Variants in RECQL5 observed in about 807,000 individuals in gnomAD.
The protein encoded by RECQL5 is RecQ like helicase 5.
RECQL5 carries 88 observed loss-of-function variants against 103.4 expected under a neutral mutation model. The ratio of observed to expected loss-of-function variants is 0.85; its 90% CI spans 0.72 to 1.02. The LOEUF (loss-of-function observed/expected upper bound fraction) is 1.02, where lower values mean the gene tolerates loss of function less well. Ranked by LOEUF, RECQL5 falls within the 50% of genes least tolerant of loss-of-function variation. The pLI, the probability that RECQL5 is intolerant of heterozygous loss-of-function variation, is 0.00. For synonymous variants in RECQL5, 552 were observed against 507.9 expected, an observed-to-expected ratio of 1.09 and a Z score of -1.17; for missense variants, 1,232 against 1,284.3, an observed-to-expected ratio of 0.96 and a Z score of 0.62.
Position 75,666,514 on chromosome 17 carries a change from C to T in RECQL5, c.44G>A (p.Arg15Gln). The T allele has an allele frequency of 1.2e-6, 2 of 1,614,122 alleles. No individual in the cohort carries two copies. The highest frequency in any genetic ancestry group is 4.5e-5 in the East Asian group (2 of 44,892). The change falls in exon 2 of 20, where the codon CGA (arginine) becomes CAA (glutamine). Residue 15 changes from arginine (R) to glutamine (Q), a missense_variant. By Grantham distance (43) the Arg-to-Gln change is conservative (BLOSUM62 1). Coordinates refer to ENST00000317905, the MANE Select transcript of RECQL5 (RefSeq NM_004259.7). The stretch of plus-strand genomic sequence containing the variant: ...GACCTTCTTCAGCGTACTCCGGACT[C>T]GCCGCTCAGGGTCAAAAGGAAAGGT... The part of the protein sequence containing the change: ...HTTFPFDPER[R>Q]VRSTLKKVFG...
Position 75,627,420 on chromosome 17 carries a change from G to A in RECQL5, c.*2C>T, listed in dbSNP as rs2059115806. 1.2e-6 allele frequency: 2 copies of A among 1,612,032 alleles called. No individual in the cohort carries two copies. The highest frequency in any genetic ancestry group is 1.7e-6 in the Non-Finnish European group (2 of 1,178,860). ...CGCGGGCCCTGCCCAGCCAGCAGTT[G>A]GTCATCTCTGGGGGCCACACAGGCC... On this transcript the variant is annotated 3_prime_UTR_variant, in exon 20 of 20. Transcript: ENST00000317905.
intron 3 of RECQL5, among the ~76,000 whole-genome samples, chr17:75,663,288 G>A (rs1599061734): frequency 6.6e-6 from 1 of 151,814 alleles, no homozygotes; most frequent in Non-Finnish European, 1.5e-5. Context: ...TTTCTTTCAC[G>A]TATACCTTAT....
At chr17:75,654,755 A>G (rs1199783103) in intron 7 of RECQL5, among the ~76,000 whole-genome samples, 1 of 151,978 alleles carries the variant, frequency 6.6e-6, no homozygotes, top group Non-Finnish European at 1.5e-5. Flanking sequence ...GAGTAGCTAG[A>G]ACTACAGGCG....
intron 8 of RECQL5, 92 bp from the exon 9 acceptor site, chr17:75,631,760 C>T (rs1336306886): frequency 1.5e-6 from 2 of 1,324,122 alleles, no homozygotes; most frequent in East Asian, 2.5e-5. Flanking sequence ...TGAGCGAGCA[C>T]TGCCGCGTCC....
chr17:75,630,907 G>A (rs1337664780), intron 11 of RECQL5, 67 bp downstream of exon 11: 11 of 1,588,790 alleles, frequency 6.9e-6, no homozygotes, highest in South Asian at 2.2e-5. Flanking sequence ...CCCACAGCCC[G>A]GATGAGAATC....
rs1203603208 is a variant in RECQL5, at chr17:75,666,512, C to T, written c.46G>A (p.Val16Ile). The T allele has an allele frequency of 1.9e-6, 3 of 1,614,044 alleles. No homozygotes were observed. Among genetic ancestry groups the T allele is most frequent in the Non-Finnish European group, 2.5e-6 (3 of 1,180,056 alleles). The change falls in exon 2 of 20, where the codon GTC becomes ATC. Residue 16 changes from valine to isoleucine, a missense_variant. Coordinates refer to ENST00000317905, the MANE Select transcript of RECQL5 (RefSeq NM_004259.7). ...TTFPFDPERR[V>I]RSTLKKVFGF... Reference sequence around the variant, plus strand: ...AAGACCTTCTTCAGCGTACTCCGGACTCGCCGCTCAGGGTCAAAAGGAAAG... The same window carrying T: ...AAGACCTTCTTCAGCGTACTCCGGATTCGCCGCTCAGGGTCAAAAGGAAAG...
chr17:75,630,378 A>T, intron 13 of RECQL5, 101 bp from the exon 14 acceptor site: 1 of 1,126,754 alleles, frequency 8.9e-7, no homozygotes, highest in Non-Finnish European at 1.3e-6. Flanking sequence ...GGCCTTGGGC[A>T]CAGGGATTCT....
intron 17 of RECQL5, 30 bp from the exon 18 acceptor site, chr17:75,628,472 C>T: frequency 6.2e-7 from 1 of 1,604,910 alleles, no homozygotes; most frequent in Non-Finnish European, 8.5e-7. Context: ...AGGGTCACTC[C>T]TGAGCTCCCT....
chr17:75,652,949 G>A (rs1016872803), intron 7 of RECQL5, among the ~76,000 whole-genome samples: 9 of 152,172 alleles, frequency 5.9e-5, no homozygotes, highest in Non-Finnish European at 1.3e-4. Context: ...ACACAATATA[G>A]TTTCCTGTTT....
Position 75,662,501 on chromosome 17 carries a change from A to G in RECQL5, c.749T>C (p.Leu250Pro). 1 of 1,613,888 alleles carries G rather than the reference A, an allele frequency of 6.2e-7. No homozygotes were observed. Among genetic ancestry groups the G allele is most frequent in the African/African-American group, 1.3e-5 (1 of 75,028 alleles). The part of the protein sequence containing the change: ...GNLKDFCLKA[L>P]GQEADKGLSG... ...CACCCCTTTATCAGCCTCCTGTCCA[A>G]GAGCCTTAAGGCAGAAGTCCTTCAG... The change falls in exon 4 of 20, where the codon CTT becomes CCT. Residue 250 changes from leucine to proline, a missense_variant. Coordinates refer to ENST00000317905, the MANE Select transcript of RECQL5 (RefSeq NM_004259.7).
intron 8 of RECQL5, chr17:75,647,887 C>T (rs1458865907): frequency 3.9e-6 from 1 of 256,452 alleles, no homozygotes; most frequent in East Asian, 8.4e-5. Flanking sequence ...GGTTCTCTAA[C>T]AGGCTCACAG....
At chr17:75,655,242 T>C (rs539389246) in intron 7 of RECQL5, among the ~76,000 whole-genome samples, 11 of 151,932 alleles carry the variant, frequency 7.2e-5, no homozygotes, top group Non-Finnish European at 1.2e-4. Context: ...CGGCTAATTT[T>C]TGTATTTTTA....
At chr17:75,629,553 C>T (rs1402730050) in intron 15 of RECQL5, 78 bp from the exon 16 acceptor site, 1 of 1,496,794 alleles carries the variant, frequency 6.7e-7, no homozygotes, top group Non-Finnish European at 8.9e-7. Flanking sequence ...AGCAGTAACT[C>T]ACATTGGGAC....
intron 3 of RECQL5, among the ~76,000 whole-genome samples, chr17:75,664,241 C>A (rs929796793): frequency 6.6e-6 from 1 of 152,236 alleles, no homozygotes; most frequent in Admixed American, 6.5e-5. Context: ...CATCTGCAGG[C>A]CTTAAATAGT....
chr17:75,651,650 G>A (rs2059557130), intron 7 of RECQL5, among the ~76,000 whole-genome samples: 1 of 152,066 alleles, frequency 6.6e-6, no homozygotes, highest in Admixed American at 6.6e-5. Context: ...CAGTAATAAA[G>A]CCATTTACAA....
rs768596889 is a variant in RECQL5 at position 75,662,798 on chromosome 17, A to G, written c.452T>C (p.Leu151Pro). The change falls in exon 4 of 20, where the codon CTG (leucine) becomes CCG (proline). Residue 151 changes from leucine to proline, a missense_variant. Physicochemically the swap from Leu to Pro is moderately conservative, Grantham distance 98. Coordinates refer to ENST00000317905, the MANE Select transcript of RECQL5 (RefSeq NM_004259.7). Reference protein sequence around the residue: ...TLNSLVSRHLLSYLVVDEAHC... With the variant: ...TLNSLVSRHLPSYLVVDEAHC... ...AGCTTCATCCACCACCAAGTAAGAC[A>G]GCAGGTGGCGGGACACCAGGGAGTT... The G allele has an allele frequency of 6.2e-7, 1 of 1,614,168 alleles. No individual in the cohort carries two copies. Among genetic ancestry groups the G allele is most frequent in the South Asian group, 1.1e-5 (1 of 91,088 alleles).
At chr17:75,628,913 T>C (rs2059155623) in intron 16 of RECQL5, 21 bp downstream of exon 16, 1 of 1,581,576 alleles carries the variant, frequency 6.3e-7, no homozygotes, top group African/African-American at 1.4e-5. Context: ...CAGAAGATTC[T>C]ATGACTACCT....
At chr17:75,651,439 T>C (rs758219217) in intron 7 of RECQL5, among the ~76,000 whole-genome samples, 174 bp from the exon 8 acceptor site, 2 of 152,112 alleles carry the variant, frequency 1.3e-5, no homozygotes, top group Non-Finnish European at 2.9e-5. Context: ...CTGACCTACA[T>C]GGTGAAACCC....
intron 19 of RECQL5, 23 bp from the exon 20 acceptor site, chr17:75,627,545 T>C (rs756799047): frequency 1.9e-6 from 3 of 1,611,874 alleles, no homozygotes; most frequent in Non-Finnish European, 2.5e-6. Flanking sequence ...GGTGGGGGCA[T>C]GAGGAGGTGA....
Sources: gnomAD v4.1 joint callset for allele counts (sites outside exome capture counted in the v4.1 genomes callset) on GRCh38, gnomAD v4.1.1 for gene constraint, MANE v1.5 for transcripts, NCBI Gene and HGNC (gene_info 2026-07-23, HGNC 2026-07-21) for gene names.